Variants in TAB3 observed in about 807,000 individuals in gnomAD.
TAB3 encodes TGF-beta activated kinase 1 (MAP3K7) binding protein 3, also known as TGF-beta-activated kinase 1 and MAP3K7-binding protein 3.
Under a neutral mutation model 48.1 loss-of-function variants are expected in TAB3, and 18 were observed. That is an observed-to-expected ratio of 0.37 (90% CI 0.26 to 0.55). The LOEUF is 0.55. Ranked by LOEUF, TAB3 falls within the 20% of genes least tolerant of loss-of-function variation. The probability of loss-of-function intolerance (pLI) is 0.78; values close to 1 mark genes in which losing one functional copy is unlikely to be tolerated. For synonymous variants in TAB3, 185 were observed against 190.2 expected (o/e 0.97, Z 0.22); for missense variants, 414 against 549.8 (o/e 0.75, Z 2.47).
chrX:30,859,392 A>AC (rs1397078109), intron 5 of TAB3, 95 bp downstream of exon 5: 137 of 639,553 alleles, frequency 2.1e-4, no homozygotes, highest in Non-Finnish European at 2.7e-4. Flanking sequence ...ACACACACAC[A>AC]AGAAAACATA....
chrX:30,843,036 T>A lies in TAB3; in HGVS notation c.1818A>T (p.Pro606=). ...DLLQSRGNFD[P]KAMNNFYDNI... is the part of the protein sequence containing the mutation. ...TGTCATAAAAATTATTCATGGCTTTTGGATCAAAGTTTCCTATAAAGAAAG... is the reference window on the plus strand; with the variant it reads ...TGTCATAAAAATTATTCATGGCTTTAGGATCAAAGTTTCCTATAAAGAAAG... Residue 606 remains proline, a synonymous_variant, in exon 9 of 11, where the codon CCA becomes CCT. Coordinates refer to ENST00000288422, the MANE Select transcript of TAB3 (RefSeq NM_152787.5). 8.7e-7 allele frequency: 1 copy of A among 1,150,497 alleles called. No homozygotes were observed. Among genetic ancestry groups the A allele is most frequent in the Non-Finnish European group, 1.2e-6 (1 of 851,229 alleles). 94.8% of individuals were successfully genotyped at this position (1,150,497 alleles called of 1,213,427 possible).
intron 6 of TAB3, among the ~76,000 whole-genome samples, chrX:30,853,862 G>C (rs1938955474): frequency 9.0e-6 from 1 of 111,362 alleles, no homozygotes; most frequent in Admixed American, 9.5e-5. Flanking sequence ...TTTAGCAGAG[G>C]TGGGGTTTCT....
intron 1 of TAB3, among the ~76,000 whole-genome samples, chrX:30,874,588 T>C (rs186292605): frequency 3.9e-3 from 441 of 112,313 alleles, no homozygotes; most frequent in Non-Finnish European, 6.3e-3. Context: ...CGTAAAATAA[T>C]TGTTCAAGGC....
intron 9 of TAB3, among the ~76,000 whole-genome samples, chrX:30,839,067 T>C (rs1014778777): frequency 9.0e-6 from 1 of 111,479 alleles, no homozygotes; most frequent in African/African-American, 3.3e-5. Context: ...TAGACATCCT[T>C]GCCTTGTTCC....
chrX:30,839,846 T>C (rs1442684884), intron 9 of TAB3, among the ~76,000 whole-genome samples: 2 of 106,557 alleles, frequency 1.9e-5, no homozygotes, highest in Non-Finnish European at 3.9e-5. Context: ...TGAATCTATC[T>C]GGATCTGGAG....
chrX:30,859,629 T>C lies in TAB3; in HGVS notation c.-41A>G, dbSNP rs1939192296. On this transcript the variant is annotated 5_prime_UTR_variant, in exon 5 of 11. Coordinates refer to ENST00000288422, the MANE Select transcript of TAB3 (RefSeq NM_152787.5). ...GGCCAAGTTTCTCTTAGGAAATGGA[T>C]GTTAACCGGCTTTCCAAAAGTAATG... is the stretch of plus-strand genomic sequence containing the variant. 1 of 963,047 alleles carries C rather than the reference T, an allele frequency of 1.0e-6. No homozygotes were observed. The highest frequency in any genetic ancestry group is 1.9e-5 in the African/African-American group (1 of 52,313). 79.4% of individuals were successfully genotyped at this position (963,047 alleles called of 1,213,427 possible).
At chrX:30,841,291 G>C (rs753025554) in intron 9 of TAB3, among the ~76,000 whole-genome samples, 1 of 110,587 alleles carries the variant, frequency 9.0e-6, no homozygotes, top group Non-Finnish European at 1.9e-5. Flanking sequence ...CATGGTGGTG[G>C]GTAATCCCAG....
chrX:30,850,019 G>C (rs1361216254), intron 7 of TAB3, among the ~76,000 whole-genome samples: 1 of 111,972 alleles, frequency 8.9e-6, no homozygotes, highest in African/African-American at 3.3e-5. Context: ...AATCCCGTAA[G>C]ATGAGTACTA....
intron 2 of TAB3, among the ~76,000 whole-genome samples, chrX:30,870,958 A>G (rs1033291178): frequency 8.9e-6 from 1 of 112,814 alleles, no homozygotes; most frequent in African/African-American, 3.2e-5. Flanking sequence ...AAACTTGTTA[A>G]AAGCCAAGAT....
intron 9 of TAB3, among the ~76,000 whole-genome samples, chrX:30,836,988 C>T (rs1171446182): frequency 9.1e-6 from 1 of 109,860 alleles, no homozygotes; most frequent in Non-Finnish European, 1.9e-5. Context: ...AAACAGGAAC[C>T]TCCCACCTCG....
chrX:30,852,687 A>C (rs1467607892), intron 7 of TAB3, 91 bp downstream of exon 7: 1 of 964,001 alleles, frequency 1.0e-6, no homozygotes, highest in Non-Finnish European at 1.4e-6. Flanking sequence ...AAAAACCGGA[A>C]CTCTGCCAGG....
chrX:30,881,650 T>C (rs1271453706), intron 1 of TAB3, among the ~76,000 whole-genome samples: 1 of 111,609 alleles, frequency 9.0e-6, no homozygotes, highest in African/African-American at 3.3e-5. Context: ...CTTGATCTTG[T>C]AGGTTTTTGT....
intron 7 of TAB3, among the ~76,000 whole-genome samples, chrX:30,850,310 G>A (rs1473737069): frequency 1.8e-5 from 2 of 110,948 alleles, no homozygotes; most frequent in Non-Finnish European, 3.8e-5. Context: ...ATGGCTACAT[G>A]GGGGTTCATT....
At chrX:30,858,702 A>T (rs887469900) in intron 5 of TAB3, among the ~76,000 whole-genome samples, 1 of 111,617 alleles carries the variant, frequency 9.0e-6, no homozygotes, top group Non-Finnish European at 1.9e-5. Context: ...AAACACTAAG[A>T]TCCTGTGAAG....
intron 1 of TAB3, among the ~76,000 whole-genome samples, chrX:30,888,089 C>T (rs1264483537): frequency 8.9e-6 from 1 of 112,439 alleles, no homozygotes; most frequent in Non-Finnish European, 1.9e-5. Flanking sequence ...TCAAAAAACC[C>T]TTTCTTCTTC....
rs1311945544 is a variant in TAB3, at chrX:30,830,587, A to G, written c.*840T>C. The G allele has an allele frequency of 8.9e-6, 1 of 112,539 alleles. No homozygotes were observed. Among genetic ancestry groups the G allele is most frequent in the Non-Finnish European group, 1.9e-5 (1 of 53,283 alleles). 9.3% of individuals were successfully genotyped at this position (112,539 alleles called of 1,213,427 possible). A position where few individuals can be genotyped will look rare whatever the true frequency, so the allele number is the denominator to read the frequency against. On this transcript the variant is annotated 3_prime_UTR_variant, in exon 11 of 11. Transcript: ENST00000288422. ...ACTGGCAAAGCGCAGTTTTACGAGA[A>G]TATCATTTATAAAATCATACTTTGT...
At chrX:30,886,857 T>G (rs1250771007) in intron 1 of TAB3, among the ~76,000 whole-genome samples, 1 of 112,169 alleles carries the variant, frequency 8.9e-6, no homozygotes, top group Non-Finnish European at 1.9e-5. Flanking sequence ...CAAAGACCAG[T>G]GGGAGATAAA....
intron 6 of TAB3, 30 bp from the exon 7 acceptor site, chrX:30,852,968 A>T: frequency 8.3e-7 from 1 of 1,199,868 alleles, no homozygotes; most frequent in Non-Finnish European, 1.1e-6. Flanking sequence ...GTCATTGCAG[A>T]GAACAACATT....
At chrX:30,844,430 T>C (rs998233631) in intron 8 of TAB3, 2 of 112,421 alleles carry the variant, frequency 1.8e-5, no homozygotes, top group Non-Finnish European at 3.8e-5. Context: ...TGCTATTTGA[T>C]GTATTAATTG....
Sources: gnomAD v4.1 joint callset for allele counts (sites outside exome capture counted in the v4.1 genomes callset) on GRCh38, gnomAD v4.1.1 for gene constraint, MANE v1.5 for transcripts, NCBI Gene and HGNC (gene_info 2026-07-23, HGNC 2026-07-21) for gene names.